SLC14A2: variants seen among roughly 807,000 people sequenced by gnomAD.
SLC14A2 encodes urea transporter 2.
Under a neutral mutation model 104.6 loss-of-function variants are expected in SLC14A2, and 91 were observed. That is an observed-to-expected ratio of 0.87 (90% confidence interval 0.73 to 1.04). The LOEUF (loss-of-function observed/expected upper bound fraction) is 1.04, where lower values mean the gene tolerates loss of function less well. SLC14A2 is among the 50% of genes least tolerant of loss of function. The pLI is 0.00. For missense variants in SLC14A2, 1,189 were observed against 1,156.0 expected (o/e 1.03, Z -0.41); for synonymous variants, 476 against 466.4 (o/e 1.02, Z -0.27).
intron 1 of SLC14A2, among the ~76,000 whole-genome samples, chr18:45,369,877 A>T (rs1052454572): frequency 1.6e-4 from 25 of 152,270 alleles, no homozygotes; most frequent in South Asian, 1.2e-3. Flanking sequence ...ACAAGTCCAG[A>T]ACTCTTTCTA....
intron 2 of SLC14A2, among the ~76,000 whole-genome samples, chr18:45,554,323 A>G (rs1389952668): frequency 6.6e-6 from 1 of 152,208 alleles, no homozygotes; most frequent in African/African-American, 2.4e-5. Flanking sequence ...CAACCGATCA[A>G]TTTACAAAGA....
At chr18:45,377,828 C>T (rs1362408081) in intron 1 of SLC14A2, among the ~76,000 whole-genome samples, 1 of 152,122 alleles carries the variant, frequency 6.6e-6, no homozygotes, top group Admixed American at 6.6e-5. Flanking sequence ...AAAATGAACC[C>T]TTGGTCTGGT....
At chr18:45,390,155 C>T (rs2085944557) in intron 1 of SLC14A2, among the ~76,000 whole-genome samples, 1 of 152,140 alleles carries the variant, frequency 6.6e-6, no homozygotes, top group Non-Finnish European at 1.5e-5. Context: ...AGGCTGCAGA[C>T]AGGACAAAAA....
intron 1 of SLC14A2, among the ~76,000 whole-genome samples, chr18:45,460,436 A>G (rs1402179595): frequency 2.0e-5 from 3 of 152,180 alleles, no homozygotes; most frequent in Non-Finnish European, 4.4e-5. Context: ...AGAATTTGAG[A>G]TTCAAGGGAC....
intron 1 of SLC14A2, among the ~76,000 whole-genome samples, chr18:45,396,708 G>A (rs756697565): frequency 8.7e-5 from 13 of 149,324 alleles, no homozygotes; most frequent in Non-Finnish European, 1.3e-4. Flanking sequence ...ACATGCAAAG[G>A]TTTGTTACAT....
intron 10 of SLC14A2, among the ~76,000 whole-genome samples, chr18:45,649,039 C>T (rs1294408975): frequency 6.6e-6 from 1 of 152,076 alleles, no homozygotes; most frequent in Non-Finnish European, 1.5e-5. Flanking sequence ...GGCATGGTGG[C>T]GGGTGCCTGT....
intron 1 of SLC14A2, among the ~76,000 whole-genome samples, chr18:45,362,764 A>C (rs527693335): frequency 6.6e-6 from 1 of 152,350 alleles, no homozygotes; most frequent in East Asian, 1.9e-4. Flanking sequence ...CTCACACTGC[A>C]TAGCTGCTGC....
intron 1 of SLC14A2, among the ~76,000 whole-genome samples, chr18:45,229,110 C>A (rs2084149210): frequency 6.6e-6 from 1 of 152,192 alleles, no homozygotes; most frequent in African/African-American, 2.4e-5. Context: ...GGCCTGTAGT[C>A]TTTTCAAAAG....
chr18:45,370,784 A>C (rs2085714729), intron 1 of SLC14A2, among the ~76,000 whole-genome samples: 1 of 152,198 alleles, frequency 6.6e-6, no homozygotes, highest in Non-Finnish European at 1.5e-5. Context: ...TGGGAGAGAG[A>C]GAGCGACTGG....
At chr18:45,201,175 A>G in the SLC14A2 span, among the ~76,000 whole-genome samples, 1 of 152,104 alleles carries the variant, frequency 6.6e-6, no homozygotes, top group Middle Eastern at 3.4e-3. Flanking sequence ...ATTTCCTATC[A>G]AGGATACAAA....
At chr18:45,228,365 T>G (rs1201836878) in intron 1 of SLC14A2, among the ~76,000 whole-genome samples, 2 of 152,156 alleles carry the variant, frequency 1.3e-5, no homozygotes, top group Non-Finnish European at 2.9e-5. Flanking sequence ...AGGGGTGGAC[T>G]GTGGGAGTCC....
chr18:45,218,615 T>C lies in SLC14A2; in HGVS notation c.-125+5424T>C, dbSNP rs573240668. Reference sequence around the variant, plus strand: ...CCTCTGAGGCAGTAAATAGTAATTCTGAGGTCAAGTCGAGTAATAGCTTGG... The same window carrying C: ...CCTCTGAGGCAGTAAATAGTAATTCCGAGGTCAAGTCGAGTAATAGCTTGG... On this transcript the variant is annotated intron_variant, in intron 1 of 20. Coordinates refer to the SLC14A2 transcript ENST00000586448. Among the ~76,000 whole-genome samples the C allele has an allele frequency of 1.1e-3, 166 of 152,332 alleles. 1 individual carries two copies. The highest frequency in any genetic ancestry group is 3.8e-3 in the African/African-American group (159 of 41,596).
the SLC14A2 span, among the ~76,000 whole-genome samples, chr18:45,197,388 G>A: frequency 1.3e-5 from 2 of 152,070 alleles, no homozygotes; most frequent in Non-Finnish European, 2.9e-5. Context: ...GTGTGACCCA[G>A]TAAGAGAAGT....
At position 45,356,551 on chromosome 18, in the gene SLC14A2, G is replaced by A. The variant is rs566856268; in HGVS notation, c.-124-126682G>A. ...ACGGGAAACGATGTGGGAAGTGATC[G>A]AACCTGAGACCAGAAAGCTGACTTT... On this transcript the variant is annotated intron_variant, in intron 1 of 20. Coordinates refer to the SLC14A2 transcript ENST00000586448. 3.3e-5 allele frequency among the ~76,000 whole-genome samples: 5 copies of A among 152,254 alleles called. No individual in the cohort carries two copies. The South Asian group carries it at 6.2e-4, about 19-fold the overall frequency.
chr18:45,589,533 C>G (rs563412867), intron 2 of SLC14A2, among the ~76,000 whole-genome samples: 20 of 142,504 alleles, frequency 1.4e-4, no homozygotes, highest in African/African-American at 3.7e-4. Context: ...CCCCACTCCC[C>G]TTTTTTTATT....
chr18:45,405,068 G>C (rs2086138712), intron 1 of SLC14A2, among the ~76,000 whole-genome samples: 1 of 152,136 alleles, frequency 6.6e-6, no homozygotes, highest in Admixed American at 6.5e-5. Context: ...GTCCCTACTA[G>C]TTGTGGCATT....
At chr18:45,323,449 C>G (rs547303970) in intron 1 of SLC14A2, among the ~76,000 whole-genome samples, 3 of 152,184 alleles carry the variant, frequency 2.0e-5, no homozygotes, top group African/African-American at 7.2e-5. Context: ...CTGGGAAGGA[C>G]AAAGGGAAGA....
chr18:45,601,734 CA>C, intron 2 of SLC14A2, among the ~76,000 whole-genome samples: 1 of 152,198 alleles, frequency 6.6e-6, no homozygotes, highest in East Asian at 1.9e-4. Context: ...ATCAATTGAT[CA>C]GACTGGCCCA....
intron 2 of SLC14A2, among the ~76,000 whole-genome samples, chr18:45,582,176 G>A (rs961407111): frequency 6.6e-6 from 1 of 152,170 alleles, no homozygotes; most frequent in African/African-American, 2.4e-5. Flanking sequence ...CAGACACCAG[G>A]AGATGATGAA....
Sources: gnomAD v4.1 joint callset for allele counts (sites outside exome capture counted in the v4.1 genomes callset) on GRCh38, gnomAD v4.1.1 for gene constraint, MANE v1.5 for transcripts, NCBI Gene and HGNC (gene_info 2026-07-23, HGNC 2026-07-21) for gene names.